TEX14: variants seen among roughly 807,000 people sequenced by gnomAD.
The protein encoded by TEX14 is testis expressed 14, intercellular bridge forming factor, also known as inactive serine/threonine-protein kinase TEX14.
Under a neutral mutation model 178.6 loss-of-function variants are expected in TEX14, and 168 were observed. The ratio of observed to expected loss-of-function variants is 0.94; its 90% CI spans 0.83 to 1.07. TEX14 has a LOEUF of 1.07. Among genes scored for constraint, TEX14 ranks in the 50% least tolerant of loss-of-function variants. TEX14 has a pLI of 0.00. For synonymous variants in TEX14, 626 were observed against 634.1 expected, an observed-to-expected ratio of 0.99 and a Z score of 0.19; for missense variants, 1,730 against 1,753.6, an observed-to-expected ratio of 0.99 and a Z score of 0.24.
At chr17:58,627,418 G>A (rs1257193133) in intron 3 of TEX14, among the ~76,000 whole-genome samples, 1 of 152,124 alleles carries the variant, frequency 6.6e-6, no homozygotes, top group Non-Finnish European at 1.5e-5. Flanking sequence ...TGAAAGTGAT[G>A]ATGGTCATGA....
In TEX14 at chr17:58,676,376, CAAAAAAAACCAAAAAAACA is replaced by C. The variant is rs2047395161; in HGVS notation, c.-2+15544_-2+15562del. On this transcript the variant is annotated intron_variant, in intron 1 of 31. Transcript: ENST00000349033. ...GGGCAACAAGAGAGAAAATCCATCTCAAAAAAAACCAAAAAAACAAAAAAAAACACAAAAAAACCCAGGC... is the reference window on the plus strand; with the variant it reads ...GGGCAACAAGAGAGAAAATCCATCTCAAAAAAAACACAAAAAAACCCAGGC... 2.0e-5 allele frequency among the ~76,000 whole-genome samples: 3 copies of C among 146,414 alleles called. No individual in the cohort carries two copies. The South Asian group carries it at 6.5e-4, about 32-fold the overall frequency.
At chr17:58,611,122 T>A (rs778599806) in intron 10 of TEX14, 39 bp downstream of exon 10, 2 of 1,530,650 alleles carry the variant, frequency 1.3e-6, no homozygotes, top group Admixed American at 1.7e-5. Context: ...CCAAGGGAGA[T>A]CAACTTCAGG....
intron 4 of TEX14, among the ~76,000 whole-genome samples, 160 bp downstream of exon 4, chr17:58,622,687 T>C (rs1598394534): frequency 6.6e-6 from 1 of 152,224 alleles, no homozygotes; most frequent in Non-Finnish European, 1.5e-5. Context: ...TCACTAGACC[T>C]GCCGGAAGTT....
intron 1 of TEX14, among the ~76,000 whole-genome samples, chr17:58,652,786 T>C (rs1246907091): frequency 2.0e-5 from 3 of 152,212 alleles, no homozygotes. Context: ...CTAGATAGTA[T>C]AACATAGTGG....
At chr17:58,679,381 T>C (rs1247670271) in intron 1 of TEX14, 1 of 151,964 alleles carries the variant, frequency 6.6e-6, no homozygotes, top group African/African-American at 2.4e-5. Flanking sequence ...CCACGAGGGG[T>C]GTGAGACCAA....
chr17:58,559,364 T>G (rs548731857), intron 30 of TEX14, 89 bp downstream of exon 30: 1 of 651,158 alleles, frequency 1.5e-6, no homozygotes, highest in East Asian at 2.7e-5. Context: ...GGATTATGTA[T>G]AGCATCTGGG....
intron 1 of TEX14, among the ~76,000 whole-genome samples, chr17:58,664,360 G>A (rs1470425562): frequency 6.6e-6 from 1 of 152,092 alleles, no homozygotes; most frequent in Non-Finnish European, 1.5e-5. Flanking sequence ...CCTATGCTGG[G>A]AGAACTCCAT....
intron 2 of TEX14, among the ~76,000 whole-genome samples, chr17:58,639,673 C>A (rs895777539): frequency 1.3e-5 from 2 of 152,148 alleles, no homozygotes; most frequent in African/African-American, 4.8e-5. Flanking sequence ...ATGAGCTAGG[C>A]TCCACGGTTC....
chr17:58,565,555 G>T, intron 27 of TEX14, among the ~76,000 whole-genome samples, 192 bp downstream of exon 27: 1 of 152,120 alleles, frequency 6.6e-6, no homozygotes, highest in East Asian at 1.9e-4. Context: ...AGAAATTATT[G>T]TCCCCATTTT....
intron 15 of TEX14, among the ~76,000 whole-genome samples, chr17:58,592,868 ATGTG>A (rs375179317): frequency 1.3e-5 from 2 of 152,122 alleles, no homozygotes; most frequent in South Asian, 2.1e-4. Flanking sequence ...AAAACTCAGC[ATGTG>A]TGTGTGTATG....
chr17:58,596,353 C>T (rs966535779), intron 14 of TEX14, among the ~76,000 whole-genome samples: 1 of 152,094 alleles, frequency 6.6e-6, no homozygotes, highest in African/African-American at 2.4e-5. Flanking sequence ...ATGATTTCAG[C>T]TCACTGTAAT....
chr17:58,659,170 T>TC (rs1264827040), intron 1 of TEX14, among the ~76,000 whole-genome samples: 1 of 151,782 alleles, frequency 6.6e-6, no homozygotes, highest in Non-Finnish European at 1.5e-5. Context: ...GCAAAAGCAG[T>TC]CCCCCACTAC....
chr17:58,688,283 G>C (rs2047635609), intron 1 of TEX14, among the ~76,000 whole-genome samples: 1 of 151,846 alleles, frequency 6.6e-6, no homozygotes, highest in Non-Finnish European at 1.5e-5. Flanking sequence ...ACCACCCCCA[G>C]TTAATTTTGT....
At chr17:58,613,732 G>A (rs562438291) in intron 8 of TEX14, among the ~76,000 whole-genome samples, 188 bp from the exon 9 acceptor site, 66 of 151,888 alleles carry the variant, frequency 4.3e-4, no homozygotes, top group Middle Eastern at 3.4e-3. Flanking sequence ...GTGATCTCTC[G>A]GCTGGCTCAC....
intron 5 of TEX14, among the ~76,000 whole-genome samples, 175 bp from the exon 6 acceptor site, chr17:58,617,794 CACTT>C (rs2045906935): frequency 6.6e-6 from 1 of 152,208 alleles, no homozygotes; most frequent in South Asian, 2.1e-4. Context: ...CTATGATTCT[CACTT>C]ACCGGTATGC....
chr17:58,630,647 G>T, intron 2 of TEX14, 93 bp from the exon 3 acceptor site: 1 of 821,838 alleles, frequency 1.2e-6, no homozygotes. Flanking sequence ...TTTTTATAGT[G>T]TACTTTCATA....
At position 58,617,652 on chromosome 17, in the gene TEX14, G is replaced by A. The variant is rs746634002; in HGVS notation, c.555-33C>T. 3.4e-6 allele frequency: 5 copies of A among 1,483,918 alleles called. No individual in the cohort carries two copies. The South Asian group carries it at 5.8e-5, about 17-fold the overall frequency. The allele number at this position is 1,483,918 out of a possible 1,614,324, so 91.9% of individuals were successfully genotyped here. ...TATTTAAAACAGGAAAAAAACCTCA[G>A]AATTAACCACTCATATCCAGAATAA... On this transcript the variant is annotated intron_variant, in intron 5 of 31. Coordinates refer to ENST00000349033, the MANE Select transcript of TEX14 (RefSeq NM_031272.5).
intron 1 of TEX14, chr17:58,659,370 G>A: frequency 1.0e-6 from 1 of 978,364 alleles, no homozygotes; most frequent in Non-Finnish European, 1.2e-6. Context: ...ATGGCAAATT[G>A]TATTATGAGT....
chr17:58,587,889 T>C lies in TEX14; in HGVS notation c.2702+7A>G. The C allele has an allele frequency of 3.8e-6, 5 of 1,299,410 alleles. No homozygotes were observed. The highest frequency in any genetic ancestry group is 4.0e-4 in the Middle Eastern group (2 of 4,994). The allele number at this position is 1,299,410 out of a possible 1,614,324, so 80.5% of individuals were successfully genotyped here. A position where few individuals can be genotyped will look rare whatever the true frequency, so the allele number is the denominator to read the frequency against. On this transcript the variant is annotated splice_region_variant and intron_variant, in intron 16 of 31. Transcript: ENST00000349033. Reference sequence around the variant, plus strand: ...ACCACCAGTTTCCAGCCCACAAGGATCCTTACCTGGTAGAGTCCCAGTGAC... The same window carrying C: ...ACCACCAGTTTCCAGCCCACAAGGACCCTTACCTGGTAGAGTCCCAGTGAC...
Sources: gnomAD v4.1 joint callset for allele counts (sites outside exome capture counted in the v4.1 genomes callset) on GRCh38, gnomAD v4.1.1 for gene constraint, MANE v1.5 for transcripts, NCBI Gene and HGNC (gene_info 2026-07-23, HGNC 2026-07-21) for gene names.